The following SHROOM3 variants were observed in gnomAD, a reference collection of about 807,000 sequenced individuals.
The protein encoded by SHROOM3 is shroom family member 3, also known as protein Shroom3.
In SHROOM3, 47 loss-of-function variants were observed where a neutral mutation model predicts 138.6. That is an observed-to-expected ratio of 0.34 (90% CI 0.27 to 0.43). SHROOM3 has a LOEUF of 0.43. Ranked by LOEUF, SHROOM3 falls within the 20% of genes least tolerant of loss-of-function variation. SHROOM3 has a pLI of 1.00. For missense variants in SHROOM3, 2,491 were observed against 2,596.5 expected, an observed-to-expected ratio of 0.96 and a Z score of 0.88; for synonymous variants, 1,062 against 1,063.3, an observed-to-expected ratio of 1.00 and a Z score of 0.02.
At chr4:76,670,560 A>T (rs1320003501) in intron 2 of SHROOM3, among the ~76,000 whole-genome samples, 5 of 152,048 alleles carry the variant, frequency 3.3e-5, no homozygotes, top group Non-Finnish European at 7.4e-5. Flanking sequence ...ACTTTTTTTT[A>T]AAAAAGGCAT....
chr4:76,690,469 C>G (rs762027903), intron 2 of SHROOM3, among the ~76,000 whole-genome samples: 4 of 152,210 alleles, frequency 2.6e-5, no homozygotes, highest in Non-Finnish European at 5.9e-5. Flanking sequence ...CGGGTCATCT[C>G]CATGGAGAGA....
At chr4:76,480,620 T>C (rs1240645155) in intron 1 of SHROOM3, among the ~76,000 whole-genome samples, 1 of 152,230 alleles carries the variant, frequency 6.6e-6, no homozygotes, top group Admixed American at 6.5e-5. Flanking sequence ...AACTCAGCTC[T>C]GGAGCAAGCT....
intron 2 of SHROOM3, among the ~76,000 whole-genome samples, chr4:76,600,331 T>C (rs1734481077): frequency 8.4e-6 from 1 of 119,430 alleles, no homozygotes; most frequent in South Asian, 3.3e-4. Context: ...GTTATATACA[T>C]GGCTTGCTCC....
At chr4:76,748,986 C>A (rs767451742) in intron 5 of SHROOM3, 31 bp from the exon 6 acceptor site, 1 of 1,607,642 alleles carries the variant, frequency 6.2e-7, no homozygotes, top group Non-Finnish European at 8.5e-7. Flanking sequence ...CGTTTATTGG[C>A]AGTAATGCTG....
At chr4:76,514,018 T>G (rs1306682720) in intron 1 of SHROOM3, among the ~76,000 whole-genome samples, 1 of 152,164 alleles carries the variant, frequency 6.6e-6, no homozygotes, top group Admixed American at 6.5e-5. Context: ...GCAACTTAAT[T>G]GACTTCAAAA....
chr4:76,705,738 C>T (rs1312570158), intron 2 of SHROOM3, among the ~76,000 whole-genome samples: 4 of 152,134 alleles, frequency 2.6e-5, no homozygotes, highest in African/African-American at 9.7e-5. Flanking sequence ...GCTCTTCACT[C>T]ATAGTGGTAA....
intron 2 of SHROOM3, among the ~76,000 whole-genome samples, chr4:76,602,717 A>C (rs764416316): frequency 1.3e-5 from 2 of 152,222 alleles, no homozygotes; most frequent in Non-Finnish European, 2.9e-5. Flanking sequence ...AGTGGAACTC[A>C]CTGTATAAAT....
At chr4:76,574,514 G>A (rs1053521340) in intron 2 of SHROOM3, among the ~76,000 whole-genome samples, 1 of 151,918 alleles carries the variant, frequency 6.6e-6, no homozygotes, top group East Asian at 1.9e-4. Context: ...CTCTACCAAC[G>A]CCTTTCTTAC....
intron 2 of SHROOM3, among the ~76,000 whole-genome samples, chr4:76,617,271 G>A (rs1734902142): frequency 6.9e-6 from 1 of 144,884 alleles, no homozygotes; most frequent in Non-Finnish European, 1.5e-5. Flanking sequence ...TTAGAACTGA[G>A]CATGGCAGAT....
chr4:76,628,324 G>A (rs970272282), intron 2 of SHROOM3, among the ~76,000 whole-genome samples: 28 of 152,090 alleles, frequency 1.8e-4, no homozygotes, highest in African/African-American at 6.5e-4. Context: ...TTGGTTCACT[G>A]GGGAAATAGC....
chr4:76,466,043 G>T (rs1326835433), intron 1 of SHROOM3, among the ~76,000 whole-genome samples: 1 of 152,164 alleles, frequency 6.6e-6, no homozygotes, highest in East Asian at 1.9e-4. Flanking sequence ...GTGTTTGTTG[G>T]TCTCTGCTTT....
intron 2 of SHROOM3, among the ~76,000 whole-genome samples, chr4:76,648,880 G>T (rs1375591626): frequency 6.6e-6 from 1 of 152,090 alleles, no homozygotes; most frequent in African/African-American, 2.4e-5. Flanking sequence ...TATGATGGGG[G>T]GAGCTGTATA....
Position 76,739,308 on chromosome 4 carries a change from A to G in SHROOM3, c.1135A>G (p.Lys379Glu), listed in dbSNP as rs1457549877. The stretch of plus-strand genomic sequence containing the variant: ...GACTGCCACGGACAACCTTCCTCCT[A>G]AGGTGGGTGCACCCCTGCCTCCAGC... ...LETATDNLPP[K>E]VGAPLPPARS... Residue 379 changes from lysine to glutamate, a missense_variant, in exon 5 of 11, where the codon AAG becomes GAG. By Grantham distance (56) the Lys-to-Glu change is moderately conservative (BLOSUM62 1). Around this residue, in one of 4 missense-constraint regions of SHROOM3, gnomAD observed 1,733 missense variants for 1,661.6 expected, o/e 1.04. Transcript: ENST00000296043. 6.2e-7 allele frequency: 1 copy of G among 1,613,890 alleles called. No individual in the cohort carries two copies. The highest frequency in any genetic ancestry group is 1.7e-5 in the Admixed American group (1 of 60,010).
At chr4:76,455,086 A>G (rs1043501492) in intron 1 of SHROOM3, among the ~76,000 whole-genome samples, 6 of 152,140 alleles carry the variant, frequency 3.9e-5, no homozygotes, top group African/African-American at 1.4e-4. Flanking sequence ...AATAATGTCA[A>G]TGGAGATAAT....
chr4:76,559,692 A>AG (rs923434812), intron 2 of SHROOM3: 5 of 152,214 alleles, frequency 3.3e-5, no homozygotes, highest in African/African-American at 1.2e-4. Flanking sequence ...AACACAGAGC[A>AG]GGGTAATAGT....
chr4:76,617,922 A>G (rs1438820991), intron 2 of SHROOM3, among the ~76,000 whole-genome samples: 1 of 152,246 alleles, frequency 6.6e-6, no homozygotes, highest in Admixed American at 6.5e-5. Flanking sequence ...TTTGAAAATT[A>G]TGTATACATC....
chr4:76,457,061 G>T (rs984347878), intron 1 of SHROOM3, among the ~76,000 whole-genome samples: 2 of 152,154 alleles, frequency 1.3e-5, no homozygotes, highest in African/African-American at 4.8e-5. Flanking sequence ...GGATCTTCAG[G>T]TACTTCAGGC....
chr4:76,665,042 C>A (rs75694106), intron 2 of SHROOM3, among the ~76,000 whole-genome samples: 1 of 152,112 alleles, frequency 6.6e-6, no homozygotes, highest in East Asian at 1.9e-4. Context: ...TGCCTCCAAC[C>A]TTGACTTGGA....
At position 76,742,017 on chromosome 4, in the gene SHROOM3, C is replaced by T. The variant is rs775281884; in HGVS notation, c.3753+91C>T. 1.4e-5 allele frequency: 21 copies of T among 1,487,440 alleles called. No individual in the cohort carries two copies. In the South Asian group the frequency reaches 2.4e-4, roughly 17 times the overall value. The allele number at this position is 1,487,440 out of a possible 1,614,324, so 92.1% of individuals were successfully genotyped here. On this transcript the variant is annotated intron_variant, in intron 5 of 10. Coordinates refer to ENST00000296043, the MANE Select transcript of SHROOM3 (RefSeq NM_020859.4). ...CCCCAACCCCCCACACTCTCACCCG[C>T]TCTCCCAGTTCAGTTTTCCTTGTGA...
Sources: gnomAD v4.1 joint callset for allele counts (sites outside exome capture counted in the v4.1 genomes callset) on GRCh38, gnomAD v4.1.1 for gene constraint, gnomAD v4.1.1 regional missense constraint, MANE v1.5 for transcripts, NCBI Gene and HGNC (gene_info 2026-07-23, HGNC 2026-07-21) for gene names.